FAM13B: variants seen among roughly 807,000 people sequenced by gnomAD.
The protein encoded by FAM13B is protein FAM13B.
A neutral mutation model predicts 117.3 loss-of-function variants in FAM13B; 60 were observed. The observed-to-expected ratio is 0.51, with a 90% CI of 0.42 to 0.63. The LOEUF (loss-of-function observed/expected upper bound fraction) is 0.63, where lower values mean the gene tolerates loss of function less well. Among genes scored for constraint, FAM13B ranks in the 30% least tolerant of loss-of-function variants. FAM13B has a pLI of 0.00. For synonymous variants in FAM13B, 332 were observed against 356.1 expected (o/e 0.93, Z 0.76); for missense variants, 972 against 1,091.9 (o/e 0.89, Z 1.55).
At chr5:137,983,213 A>AAAAAAAAAAAAAAAAAAAAAAAAAAAAC (rs1561492748) in intron 10 of FAM13B, among the ~76,000 whole-genome samples, 3 of 93,722 alleles carry the variant, frequency 3.2e-5, no homozygotes, top group Middle Eastern at 7.5e-3. Flanking sequence ...AAAAAAAAAA[A>AAAAAAAAAAAAAAAAAAAAAAAAAAAAC]AACCGAGTGA....
At chr5:137,957,359 CAG>C (rs975196662) in intron 13 of FAM13B, among the ~76,000 whole-genome samples, 7 of 151,924 alleles carry the variant, frequency 4.6e-5, no homozygotes, top group Non-Finnish European at 8.8e-5. Context: ...CTGACCAACA[CAG>C]AGAAACTCCG....
Position 137,939,974 on chromosome 5 carries a change from A to G in FAM13B, c.*251T>C. The G allele has an allele frequency of 9.2e-6, 14 of 1,529,112 alleles. No homozygotes were observed. The highest frequency in any genetic ancestry group is 1.2e-5 in the Non-Finnish European group (14 of 1,139,384). The allele number at this position is 1,529,112 out of a possible 1,614,324, so 94.7% of individuals were successfully genotyped here. ...AAGGATGTATCTGTAGTACAAAACAATGAAGTAAACCATATGTTTGCTAAA... is the reference window on the plus strand; with the variant it reads ...AAGGATGTATCTGTAGTACAAAACAGTGAAGTAAACCATATGTTTGCTAAA... On this transcript the variant is annotated 3_prime_UTR_variant, in exon 24 of 24. Coordinates refer to ENST00000689681, the MANE Select transcript of FAM13B (RefSeq NM_001385994.1).
At chr5:138,030,273 G>C (rs1314487132) in intron 1 of FAM13B, among the ~76,000 whole-genome samples, 2 of 152,096 alleles carry the variant, frequency 1.3e-5, no homozygotes, top group Non-Finnish European at 2.9e-5. Flanking sequence ...TTGAGACAGG[G>C]TCTCACTCTG....
chr5:138,042,758 A>G (rs745745379), intron 1 of FAM13B, among the ~76,000 whole-genome samples: 1 of 152,074 alleles, frequency 6.6e-6, no homozygotes, highest in Non-Finnish European at 1.5e-5. Flanking sequence ...CTTATTCTTG[A>G]TATGAGCTGT....
chr5:137,970,738 C>T (rs991390226), intron 10 of FAM13B, among the ~76,000 whole-genome samples: 11 of 152,140 alleles, frequency 7.2e-5, no homozygotes, highest in Non-Finnish European at 1.6e-4. Context: ...AAGACACACA[C>T]AGGCTCAAAA....
At chr5:137,991,153 C>T (rs1778512189) in intron 7 of FAM13B, among the ~76,000 whole-genome samples, 1 of 152,102 alleles carries the variant, frequency 6.6e-6, no homozygotes, top group African/African-American at 2.4e-5. Flanking sequence ...TATAAGAACA[C>T]CTATAGCCCC....
intron 10 of FAM13B, among the ~76,000 whole-genome samples, chr5:137,970,362 G>A (rs1471989306): frequency 6.6e-6 from 1 of 151,954 alleles, no homozygotes; most frequent in African/African-American, 2.4e-5. Context: ...GCCAAACTAA[G>A]CTTCATAAGT....
chr5:137,996,254 G>A (rs1158982348), intron 7 of FAM13B, among the ~76,000 whole-genome samples: 1 of 151,638 alleles, frequency 6.6e-6, no homozygotes, highest in Non-Finnish European at 1.5e-5. Flanking sequence ...TCCTGCCTCA[G>A]CCTCCCGAAC....
chr5:138,029,658 C>T (rs1414408169), intron 1 of FAM13B, among the ~76,000 whole-genome samples: 1 of 152,200 alleles, frequency 6.6e-6, no homozygotes, highest in African/African-American at 2.4e-5. Flanking sequence ...CCATAGAGAA[C>T]CTCCTCCACC....
At chr5:138,012,698 G>T (rs1784346626) in intron 4 of FAM13B, among the ~76,000 whole-genome samples, 1 of 152,080 alleles carries the variant, frequency 6.6e-6, no homozygotes, top group South Asian at 2.1e-4. Context: ...GTGCTCAGAG[G>T]TCCTCTCGAA....
chr5:138,050,083 A>T (rs1421350015), intron 1 of FAM13B, among the ~76,000 whole-genome samples: 1 of 152,106 alleles, frequency 6.6e-6, no homozygotes, highest in African/African-American at 2.4e-5. Context: ...GGCTACAGTA[A>T]GCTATGATCA....
chr5:137,939,791 T>A lies in FAM13B; in HGVS notation c.*434A>T. On this transcript the variant is annotated 3_prime_UTR_variant, in exon 24 of 24. Coordinates refer to ENST00000689681, the MANE Select transcript of FAM13B (RefSeq NM_001385994.1). ...CTTTTATAGGCTTTTCTTTCAAATT[T>A]TCAGTCATTCTGTAAGAAAAAGGCA... 8.8e-7 allele frequency: 1 copy of A among 1,140,810 alleles called. No homozygotes were observed. Among genetic ancestry groups the A allele is most frequent in the Non-Finnish European group, 1.1e-6 (1 of 914,620 alleles). 70.7% of individuals were successfully genotyped at this position (1,140,810 alleles called of 1,614,324 possible).
intron 1 of FAM13B, among the ~76,000 whole-genome samples, chr5:138,045,576 AG>A (rs1791617899): frequency 6.6e-6 from 1 of 152,162 alleles, no homozygotes; most frequent in African/African-American, 2.4e-5. Flanking sequence ...TTAGACCTAC[AG>A]GTAACCGCAT....
chr5:138,006,902 G>A (rs1446411067), intron 7 of FAM13B, 88 bp downstream of exon 7: 3 of 1,276,678 alleles, frequency 2.3e-6, no homozygotes, highest in Non-Finnish European at 3.2e-6. Flanking sequence ...TTCACATATA[G>A]TTACAGTTTG....
chr5:137,946,303 G>A lies in FAM13B; in HGVS notation c.2169C>T (p.Thr723=). Residue 723 remains threonine (T), a synonymous_variant, in exon 19 of 24, where the codon ACC becomes ACT. Transcript: ENST00000689681. ...CTTTCTCTTCTACCAAATGATCTTT[G>A]GTCATTTTCTGGAATTAAACAAAAA... ...RCLPEDIKKM[T]KDHLVEEKAS... 6.5e-7 allele frequency: 1 copy of A among 1,549,428 alleles called. No individual in the cohort carries two copies. Among genetic ancestry groups the A allele is most frequent in the Middle Eastern group, 1.7e-4 (1 of 5,766 alleles).
intron 10 of FAM13B, among the ~76,000 whole-genome samples, chr5:137,985,016 G>A (rs1261674922): frequency 6.6e-6 from 1 of 152,052 alleles, no homozygotes. Context: ...TGATCTGCCC[G>A]CCTTGGCCTC....
intron 2 of FAM13B, among the ~76,000 whole-genome samples, chr5:138,019,684 T>A (rs963361706): frequency 2.0e-3 from 8 of 3,918 alleles, no homozygotes; most frequent in South Asian, 0.036. Flanking sequence ...TGTAATAAAT[T>A]TTTTTTTTTT....
At chr5:137,968,733 C>T (rs555788053) in intron 10 of FAM13B, among the ~76,000 whole-genome samples, 50 of 152,148 alleles carry the variant, frequency 3.3e-4, no homozygotes, top group African/African-American at 5.6e-4. Context: ...AGACAGTGGG[C>T]GCAGGTCAGT....
At chr5:137,999,976 G>T (rs561548941) in intron 7 of FAM13B, among the ~76,000 whole-genome samples, 1 of 152,172 alleles carries the variant, frequency 6.6e-6, no homozygotes, top group East Asian at 1.9e-4. Context: ...AGAAGAAAAT[G>T]TAAGAATCCT....
Sources: allele counts gnomAD v4.1 joint callset (sites outside exome capture counted in the v4.1 genomes callset), GRCh38; gene constraint gnomAD v4.1.1; transcripts MANE v1.5; gene names NCBI Gene and HGNC (gene_info 2026-07-23, HGNC 2026-07-21).